RIMS2: variants seen among roughly 807,000 people sequenced by gnomAD.
RIMS2 encodes the protein regulating synaptic membrane exocytosis protein 2.
Under a neutral mutation model 174.4 loss-of-function variants are expected in RIMS2, and 59 were observed. The observed-to-expected ratio is 0.34, with a 90% CI of 0.27 to 0.42. The LOEUF (loss-of-function observed/expected upper bound fraction) is 0.42, where lower values mean the gene tolerates loss of function less well. Among genes scored for constraint, RIMS2 ranks in the 10% least tolerant of loss-of-function variants. RIMS2 has a pLI of 1.00. For missense variants in RIMS2, 1,620 were observed against 1,666.3 expected (o/e 0.97, Z 0.48); for synonymous variants, 606 against 572.5 (o/e 1.06, Z -0.84).
At chr8:104,037,276 A>T (rs181417163) in intron 19 of RIMS2, among the ~76,000 whole-genome samples, 1 of 152,072 alleles carries the variant, frequency 6.6e-6, no homozygotes, top group East Asian at 1.9e-4. Flanking sequence ...ACATTCTAAG[A>T]CTCTGTGACC....
chr8:103,860,704 A>G (rs933199768), intron 3 of RIMS2, among the ~76,000 whole-genome samples: 6 of 152,132 alleles, frequency 3.9e-5, no homozygotes, highest in Admixed American at 1.3e-4. Context: ...AAATATGACA[A>G]ATTTTTCTTA....
intron 9 of RIMS2, among the ~76,000 whole-genome samples, chr8:103,919,793 T>C (rs2077257662): frequency 1.3e-5 from 2 of 152,162 alleles, no homozygotes; most frequent in African/African-American, 2.4e-5. Flanking sequence ...GCTTATTTGA[T>C]TTAGTATCTT....
At chr8:103,533,438 G>A (rs991764210) in intron 1 of RIMS2, among the ~76,000 whole-genome samples, 21 of 152,022 alleles carry the variant, frequency 1.4e-4, no homozygotes, top group Non-Finnish European at 1.9e-4. Context: ...ATAAGCCTCT[G>A]AATAGTCAGT....
chr8:103,601,805 A>G lies in RIMS2; in HGVS notation c.177-95281A>G, dbSNP rs1027924437. 1.5e-4 allele frequency among the ~76,000 whole-genome samples: 23 copies of G among 150,938 alleles called. 1 individual carries two copies. Among genetic ancestry groups the G allele is most frequent in the Admixed American group, 1.3e-3 (20 of 15,192 alleles). ...ACTTTTTGCTTTTTATTTTTTATGT[A>G]TCTGTTCTGTTTTTTTCAATTTGAG... On this transcript the variant is annotated intron_variant, in intron 1 of 23. Transcript: ENST00000504942.
intron 1 of RIMS2, among the ~76,000 whole-genome samples, chr8:103,598,020 A>C (rs1308175453): frequency 6.6e-6 from 1 of 152,170 alleles, no homozygotes; most frequent in East Asian, 1.9e-4. Flanking sequence ...TCAAGTTCAA[A>C]AAAAGTTTGA....
rs368536198 is a variant in RIMS2, at chr8:103,556,374, C to G, written c.176+55312C>G. On this transcript the variant is annotated intron_variant, in intron 1 of 23. Coordinates refer to ENST00000504942, the Ensembl canonical transcript of RIMS2. The stretch of plus-strand genomic sequence containing the variant: ...TAAAGCTTGATCCAAAATAGCTATT[C>G]AAATGTAAAATGACATACTTTCTCA... 4.6e-5 allele frequency among the ~76,000 whole-genome samples: 7 copies of G among 152,152 alleles called. 1 individual carries two copies. Among genetic ancestry groups the G allele is most frequent in the African/African-American group, 1.7e-4 (7 of 41,536 alleles).
intron 19 of RIMS2, among the ~76,000 whole-genome samples, chr8:104,100,703 A>G (rs11993634): frequency 0.029 from 4,408 of 150,292 alleles, 184 homozygotes; most frequent in African/African-American, 0.098. Context: ...CTGATAAGAA[A>G]ACAATGTAGC....
intron 3 of RIMS2, among the ~76,000 whole-genome samples, chr8:103,805,959 G>A (rs896827316): frequency 2.6e-5 from 4 of 151,910 alleles, no homozygotes; most frequent in Non-Finnish European, 5.9e-5. Context: ...ACAGTGTGTG[G>A]GGAGTCAAAA....
chr8:103,663,885 A>C (rs1227765847), intron 1 of RIMS2, among the ~76,000 whole-genome samples: 8 of 152,218 alleles, frequency 5.3e-5, no homozygotes, highest in African/African-American at 9.6e-5. Flanking sequence ...TTCAAAGTAT[A>C]CTACAAGGCT....
At chr8:104,044,312 T>C (rs2096657517) in intron 19 of RIMS2, among the ~76,000 whole-genome samples, 1 of 130,738 alleles carries the variant, frequency 7.6e-6, no homozygotes, top group African/African-American at 2.5e-5. Context: ...GAACGAATGC[T>C]GGTTGGAAGG....
intron 2 of RIMS2, among the ~76,000 whole-genome samples, chr8:103,764,946 A>G (rs1044440783): frequency 3.9e-5 from 6 of 152,192 alleles, no homozygotes; most frequent in Non-Finnish European, 7.4e-5. Flanking sequence ...AATAAAAATG[A>G]GCAAGTACAA....
intron 3 of RIMS2, among the ~76,000 whole-genome samples, chr8:103,871,403 CTAAA>C (rs976479864): frequency 1.3e-5 from 2 of 152,114 alleles, no homozygotes; most frequent in Admixed American, 6.6e-5. Context: ...AAATAAATAA[CTAAA>C]TAAAGTCAAA....
intron 3 of RIMS2, among the ~76,000 whole-genome samples, chr8:103,846,880 C>T (rs1481554117): frequency 1.3e-5 from 2 of 152,066 alleles, no homozygotes; most frequent in Non-Finnish European, 1.5e-5. Context: ...AGTCTGAGCT[C>T]CTTGTCATCA....
chr8:104,152,209 C>G (rs1260326018), intron 19 of RIMS2, among the ~76,000 whole-genome samples: 3 of 152,150 alleles, frequency 2.0e-5, no homozygotes, highest in Non-Finnish European at 4.4e-5. Context: ...CTTGTTATAT[C>G]ATAAAGTTCC....
intron 3 of RIMS2, among the ~76,000 whole-genome samples, chr8:103,823,218 G>A (rs1172080368): frequency 6.6e-6 from 1 of 151,978 alleles, no homozygotes; most frequent in Non-Finnish European, 1.5e-5. Flanking sequence ...TTTATTTAGA[G>A]TAGATATTAA....
chr8:103,747,413 G>A, intron 2 of RIMS2, among the ~76,000 whole-genome samples: 1 of 150,218 alleles, frequency 6.7e-6, no homozygotes, highest in Non-Finnish European at 1.5e-5. Flanking sequence ...AAAACAGGAA[G>A]TATTAAAACG....
At chr8:103,791,822 G>A (rs1251972823) in intron 3 of RIMS2, among the ~76,000 whole-genome samples, 3 of 152,162 alleles carry the variant, frequency 2.0e-5, no homozygotes, top group African/African-American at 7.2e-5. Context: ...AAGAGACAAA[G>A]AAGGCCATTA....
chr8:103,701,897 A>G (rs144456556), intron 2 of RIMS2, among the ~76,000 whole-genome samples: 1 of 152,234 alleles, frequency 6.6e-6, no homozygotes, highest in Non-Finnish European at 1.5e-5. Flanking sequence ...TAAACAGAGT[A>G]ATACAGGTAT....
At chr8:103,696,893 GAACTAGTTGCAATACTTTTA>G (rs1040518703) in intron 1 of RIMS2, among the ~76,000 whole-genome samples, 173 bp from the exon 4 acceptor site, 7 of 137,826 alleles carry the variant, frequency 5.1e-5, no homozygotes, top group Non-Finnish European at 1.1e-4. Flanking sequence ...AAAGAAGGTA[GAACTAGTTGCAATACTTTTA>G]CAAATAATGT....
Sources: allele counts gnomAD v4.1 joint callset (sites outside exome capture counted in the v4.1 genomes callset), GRCh38; gene constraint gnomAD v4.1.1; transcripts MANE v1.5; gene names NCBI Gene and HGNC (gene_info 2026-07-23, HGNC 2026-07-21).